Variants in SLC37A3 observed in about 807,000 individuals in gnomAD.
The protein encoded by SLC37A3 is solute carrier family 37 member 3.
SLC37A3 carries 51 observed loss-of-function variants against 67.1 expected under a neutral mutation model. The observed-to-expected ratio is 0.76, with a 90% CI of 0.61 to 0.96. The LOEUF (loss-of-function observed/expected upper bound fraction) is 0.96. Ranked by LOEUF, SLC37A3 falls within the 40% of genes least tolerant of loss-of-function variation. The probability of loss-of-function intolerance (pLI) is 0.00; values close to 1 mark genes in which losing one functional copy is unlikely to be tolerated. For synonymous variants in SLC37A3, 214 were observed against 231.4 expected (o/e 0.92, Z 0.68); for missense variants, 508 against 603.0 (o/e 0.84, Z 1.65).
chr7:140,363,701 TAAATAAAA>T (rs1563030967), intron 5 of SLC37A3, among the ~76,000 whole-genome samples: 1 of 83,986 alleles, frequency 1.2e-5, no homozygotes, highest in Non-Finnish European at 2.1e-5. Flanking sequence ...AAAAAAAAAA[TAAATAAAA>T]AAATAAAAAA....
rs1563049066 is a variant in SLC37A3 at position 140,382,510 on chromosome 7, A to C, written c.17T>G (p.Val6Gly). Residue 6 changes from valine to glycine, a missense_variant, in exon 2 of 15, where the codon GTT (valine) becomes GGT (glycine). Transcript: ENST00000326232. The part of the protein sequence containing the change: MAWPN[V>G]FQRGSLLSQF... ...GGACAGCAGAGACCCTCTTTGAAAA[A>C]CATTTGGCCAGGCCATGTTCTTCCT... 2 of 1,614,042 alleles carry C rather than the reference A, an allele frequency of 1.2e-6. No individual in the cohort carries two copies. The highest frequency in any genetic ancestry group is 2.2e-5 in the South Asian group (2 of 91,074).
chr7:140,343,160 A>ATTTG (rs1474508966), intron 13 of SLC37A3, among the ~76,000 whole-genome samples: 1 of 152,222 alleles, frequency 6.6e-6, no homozygotes, highest in Non-Finnish European at 1.5e-5. Context: ...TGTCTGTCTT[A>ATTTG]CGAGGTCTTA....
At position 140,364,465 on chromosome 7, in the gene SLC37A3, C is replaced by A. The variant is rs754703743; in HGVS notation, c.318G>T (p.Gly106=). The A allele has an allele frequency of 6.2e-7, 1 of 1,613,928 alleles. No individual in the cohort carries two copies. Among genetic ancestry groups the A allele is most frequent in the Admixed American group, 1.7e-5 (1 of 59,990 alleles). The change falls in exon 5 of 15, where the codon GGG becomes GGT. Residue 106 remains glycine, a synonymous_variant. Transcript: ENST00000326232. ...GAACCCATCGCAAATTCAACCGATC[C>A]CCAACGATGCCACTGATGAATAGGC... ...AVGLFISGIV[G]DRLNLRWVLS...
chr7:140,340,190 T>C (rs1161443352), intron 13 of SLC37A3, among the ~76,000 whole-genome samples: 1 of 137,188 alleles, frequency 7.3e-6, no homozygotes, highest in Admixed American at 7.2e-5. Context: ...TTTGTCCCTG[T>C]TTTCTTCTAT....
At chr7:140,375,171 C>CAAA (rs147837304) in intron 3 of SLC37A3, among the ~76,000 whole-genome samples, 4 of 132,656 alleles carry the variant, frequency 3.0e-5, no homozygotes, top group Non-Finnish European at 4.7e-5. Flanking sequence ...AAACAAAAAA[C>CAAA]AACAAAAAAA....
chr7:140,387,227 T>C (rs901431847), intron 1 of SLC37A3, among the ~76,000 whole-genome samples: 3 of 151,934 alleles, frequency 2.0e-5, no homozygotes, highest in African/African-American at 4.8e-5. Context: ...TATCAGCAAT[T>C]TGGGAGGCCG....
chr7:140,356,410 G>T (rs1052119440), intron 6 of SLC37A3, among the ~76,000 whole-genome samples: 2 of 152,128 alleles, frequency 1.3e-5, no homozygotes, highest in Admixed American at 1.3e-4. Context: ...GTGGCCAGGC[G>T]AGGGCTCACG....
chr7:140,398,302 A>G (rs935892215), intron 1 of SLC37A3, 114 bp downstream of exon 1: 2 of 151,962 alleles, frequency 1.3e-5, no homozygotes, highest in African/African-American at 2.4e-5. Flanking sequence ...CGCCCCACCC[A>G]AGGGGGGCCG....
intron 1 of SLC37A3, among the ~76,000 whole-genome samples, chr7:140,393,608 C>T (rs1798805793): frequency 6.6e-6 from 1 of 152,196 alleles, no homozygotes; most frequent in Non-Finnish European, 1.5e-5. Context: ...TGGCAAATGG[C>T]TTGCTCCTTC....
At chr7:140,377,700 T>C (rs1317695780) in intron 3 of SLC37A3, among the ~76,000 whole-genome samples, 1 of 152,136 alleles carries the variant, frequency 6.6e-6, no homozygotes, top group African/African-American at 2.4e-5. Context: ...GAAATGTTTT[T>C]CTGTTTAATT....
In SLC37A3 at chr7:140,352,048, C is replaced by A; in HGVS notation, c.703+14G>T. On this transcript the variant is annotated intron_variant, in intron 8 of 14. Transcript: ENST00000326232. ...AGTAAGACATTCGGAATAGAAGGGG[C>A]GGCTTCTCCTCACCAATTTCTTCTG... The A allele has an allele frequency of 6.2e-7, 1 of 1,603,972 alleles. No individual in the cohort carries two copies. Among genetic ancestry groups the A allele is most frequent in the Non-Finnish European group, 8.5e-7 (1 of 1,174,790 alleles).
Position 140,348,663 on chromosome 7 carries a change from G to C in SLC37A3, c.987C>G (p.Asp329Glu). Reference sequence around the variant, plus strand: ...CAACGTCGTACCAAATGGACAGCTTGTCGGCTTCCGCCTCCTTCCAGCCGA... The same window carrying C: ...CAACGTCGTACCAAATGGACAGCTTCTCGGCTTCCGCCTCCTTCCAGCCGA... ...NNFGWKEAEA[D>E]KLSIWYDVGG... The change falls in exon 10 of 15, where the codon GAC becomes GAG. Residue 329 changes from aspartate to glutamate, a missense_variant. Transcript: ENST00000326232. 1.2e-6 allele frequency: 2 copies of C among 1,614,086 alleles called. No homozygotes were observed. The highest frequency in any genetic ancestry group is 1.7e-6 in the Non-Finnish European group (2 of 1,180,026).
At chr7:140,381,723 C>G (rs1004662177) in intron 2 of SLC37A3, among the ~76,000 whole-genome samples, 3 of 151,638 alleles carry the variant, frequency 2.0e-5, no homozygotes, top group Non-Finnish European at 4.4e-5. Context: ...CTGCTTTTAA[C>G]AAATAGAGGA....
rs1321353800 is a variant in SLC37A3, at chr7:140,334,854, C to T, written c.*558G>A. On this transcript the variant is annotated 3_prime_UTR_variant, in exon 15 of 15. Transcript: ENST00000326232. ...TCAACAGGCATGTAGTGTGATCTTT[C>T]CCACCACAGTGAACAGAGGGATTCT... 1.8e-5 allele frequency: 4 copies of T among 221,152 alleles called. No homozygotes were observed. The highest frequency in any genetic ancestry group is 3.7e-5 in the Non-Finnish European group (4 of 108,488). 13.7% of individuals were successfully genotyped at this position (221,152 alleles called of 1,614,324 possible).
intron 3 of SLC37A3, chr7:140,370,627 A>G (rs1797783291): frequency 6.6e-6 from 1 of 152,202 alleles, no homozygotes; most frequent in Non-Finnish European, 1.5e-5. Flanking sequence ...AAGGGGTACA[A>G]GAGAATCTGG....
intron 9 of SLC37A3, among the ~76,000 whole-genome samples, chr7:140,350,260 T>A (rs956847448): frequency 4.6e-5 from 7 of 152,054 alleles, no homozygotes; most frequent in Non-Finnish European, 8.8e-5. Context: ...TCACCCCAGG[T>A]GTCACAGAAA....
At chr7:140,386,708 C>T (rs936467019) in intron 1 of SLC37A3, 1 of 152,096 alleles carries the variant, frequency 6.6e-6, no homozygotes, top group Non-Finnish European at 1.5e-5. Flanking sequence ...AACCAAATTT[C>T]ATTTCAGTGT....
chr7:140,352,471 A>C (rs548405731), intron 7 of SLC37A3, among the ~76,000 whole-genome samples: 1 of 152,346 alleles, frequency 6.6e-6, no homozygotes. Context: ...CTCTCATAAA[A>C]GACAGTATCT....
At chr7:140,343,008 G>C (rs6948018) in intron 13 of SLC37A3, among the ~76,000 whole-genome samples, 1 of 152,180 alleles carries the variant, frequency 6.6e-6, no homozygotes, top group African/African-American at 2.4e-5. Context: ...GTATGCAGTA[G>C]AGTGTCTGGG....
Sources: allele counts gnomAD v4.1 joint callset (sites outside exome capture counted in the v4.1 genomes callset), GRCh38; gene constraint gnomAD v4.1.1; transcripts MANE v1.5; gene names NCBI Gene and HGNC (gene_info 2026-07-23, HGNC 2026-07-21).